The following CAST variants were observed in gnomAD, a reference collection of about 807,000 sequenced individuals.
CAST encodes the protein MIR583 host.
In CAST, 76 loss-of-function variants were observed where a neutral mutation model predicts 119.6. The ratio of observed to expected loss-of-function variants is 0.64; its 90% CI spans 0.53 to 0.77. The LOEUF is 0.77. Among genes scored for constraint, CAST ranks in the 30% least tolerant of loss-of-function variants. CAST has a pLI of 0.00. For synonymous variants in CAST, 319 were observed against 331.6 expected, an observed-to-expected ratio of 0.96 and a Z score of 0.41; for missense variants, 953 against 946.5, an observed-to-expected ratio of 1.01 and a Z score of -0.09.
Position 96,742,346 on chromosome 5 carries a change from T to TG in CAST, c.1099-309_1099-308insG, listed in dbSNP as rs564032212. On this transcript the variant is annotated intron_variant, in intron 15 of 31. Transcript: ENST00000675179. ...ACAGTTTACTACTTGCTTCTTTTTT[T>TG]TTTGTTTGTTTAGAGTATTTTATAG... 7.4e-4 allele frequency: 153 copies of TG among 207,488 alleles called. 1 individual carries two copies. The highest frequency in any genetic ancestry group is 3.2e-3 in the African/African-American group (140 of 43,290). The allele number at this position is 207,488 out of a possible 1,614,324, so 12.9% of individuals were successfully genotyped here. A position where few individuals can be genotyped will look rare whatever the true frequency, so the allele number is the denominator to read the frequency against.
the CAST span, chr5:96,400,132 A>G: frequency 6.2e-7 from 1 of 1,614,234 alleles, no homozygotes; most frequent in Non-Finnish European, 8.5e-7. Flanking sequence ...CCAGCGGGTC[A>G]TACTCAGAGG....
the CAST span, among the ~76,000 whole-genome samples, chr5:96,428,936 G>A: frequency 5.3e-5 from 8 of 151,930 alleles, no homozygotes; most frequent in African/African-American, 1.7e-4. Context: ...ATTTGTGAGT[G>A]TACATATAAA....
chr5:96,525,104 A>G (rs970151106), upstream of CAST, among the ~76,000 whole-genome samples: 10 of 152,244 alleles, frequency 6.6e-5, no homozygotes, highest in African/African-American at 1.9e-4. Context: ...GGGCAGGTCT[A>G]TTCTGTGACA....
the CAST span, among the ~76,000 whole-genome samples, chr5:96,465,508 A>G: frequency 6.6e-6 from 1 of 152,082 alleles, no homozygotes; most frequent in Non-Finnish European, 1.5e-5. Flanking sequence ...TATTCGCCAA[A>G]TTCTTTTTTT....
chr5:96,548,278 G>C (rs1292370989), intron 1 of CAST, among the ~76,000 whole-genome samples: 3 of 152,168 alleles, frequency 2.0e-5, no homozygotes, highest in African/African-American at 7.2e-5. Context: ...TGGGGTTTAT[G>C]AATTGACTTA....
chr5:96,125,193 G>A, the CAST span, among the ~76,000 whole-genome samples: 1 of 152,110 alleles, frequency 6.6e-6, no homozygotes, highest in East Asian at 1.9e-4. Context: ...AGCAGTCATG[G>A]GATGTATTCC....
chr5:96,152,575 A>G, the CAST span, among the ~76,000 whole-genome samples: 1 of 152,200 alleles, frequency 6.6e-6, no homozygotes, highest in African/African-American at 2.4e-5. Context: ...TCACAATCAC[A>G]TATGCAGAAC....
the CAST span, among the ~76,000 whole-genome samples, chr5:96,478,822 A>C: frequency 1.3e-5 from 2 of 152,204 alleles, no homozygotes; most frequent in African/African-American, 4.8e-5. Flanking sequence ...CTGACATTGG[A>C]GCTCAAAGCT....
intron 2 of CAST, among the ~76,000 whole-genome samples, chr5:96,682,981 C>T (rs1230157620): frequency 6.6e-6 from 1 of 152,154 alleles, no homozygotes; most frequent in African/African-American, 2.4e-5. Context: ...CATCCTCCCA[C>T]ACCCTGCCCA....
chr5:96,381,832 A>G, the CAST span, among the ~76,000 whole-genome samples: 1 of 152,168 alleles, frequency 6.6e-6, no homozygotes, highest in Non-Finnish European at 1.5e-5. Flanking sequence ...TTATTGTGTT[A>G]TTTCATCAGG....
the CAST span, among the ~76,000 whole-genome samples, chr5:96,326,450 A>G: frequency 6.6e-6 from 1 of 152,008 alleles, no homozygotes; most frequent in African/African-American, 2.4e-5. Context: ...CTTTTCTTGG[A>G]GTATCATTCC....
intron 1 of CAST, among the ~76,000 whole-genome samples, chr5:96,606,194 A>G (rs1747250677): frequency 6.6e-6 from 1 of 152,178 alleles, no homozygotes; most frequent in Non-Finnish European, 1.5e-5. Context: ...TGCCCAGGGC[A>G]GAGTGGGGCC....
At chr5:96,719,775 G>A (rs909401003) in intron 3 of CAST, among the ~76,000 whole-genome samples, 16 of 152,204 alleles carry the variant, frequency 1.1e-4, no homozygotes, top group Non-Finnish European at 1.9e-4. Context: ...GGCAGGCACT[G>A]CAGTAGAGGG....
At chr5:96,346,495 G>A in the CAST span, among the ~76,000 whole-genome samples, 1 of 152,238 alleles carries the variant, frequency 6.6e-6, no homozygotes, top group African/African-American at 2.4e-5. Context: ...CAAATAACAA[G>A]TGAGTCAGTA....
chr5:96,462,369 A>G, the CAST span, among the ~76,000 whole-genome samples: 1 of 152,018 alleles, frequency 6.6e-6, no homozygotes, highest in Non-Finnish European at 1.5e-5. Context: ...TACAATTTCC[A>G]CTGAGTATTA....
chr5:96,067,528 G>A, the CAST span, among the ~76,000 whole-genome samples: 6 of 152,154 alleles, frequency 3.9e-5, no homozygotes, highest in African/African-American at 1.4e-4. Context: ...GAAATGTGAA[G>A]AATCACTTGC....
chr5:96,439,452 C>G, the CAST span, among the ~76,000 whole-genome samples: 4,679 of 152,260 alleles, frequency 0.031, 99 homozygotes, highest in Middle Eastern at 0.048. Context: ...TTCCCCATGA[C>G]TGAGGAATTG....
chr5:96,590,307 T>C (rs573334917), intron 1 of CAST, among the ~76,000 whole-genome samples: 56 of 152,200 alleles, frequency 3.7e-4, no homozygotes, highest in Non-Finnish European at 7.3e-4. Flanking sequence ...TAAGAAGCAT[T>C]GATATAGTTA....
chr5:96,538,677 A>T (rs921187885), intron 1 of CAST, among the ~76,000 whole-genome samples: 4 of 26,516 alleles, frequency 1.5e-4, no homozygotes, highest in African/African-American at 2.5e-4. Context: ...TTTTTAAATT[A>T]AAAAAAAAAC....
Sources: gnomAD v4.1 joint callset for allele counts (sites outside exome capture counted in the v4.1 genomes callset) on GRCh38, gnomAD v4.1.1 for gene constraint, MANE v1.5 for transcripts, NCBI Gene and HGNC (gene_info 2026-07-23, HGNC 2026-07-21) for gene names.